The following TRAT1 variants were observed in gnomAD, a reference collection of about 807,000 sequenced individuals.
TRAT1 encodes the protein T cell receptor associated transmembrane adaptor 1.
In TRAT1, 20 loss-of-function variants were observed where a neutral mutation model predicts 20.0. That is an observed-to-expected ratio of 1.00 (90% CI 0.70 to 1.45). TRAT1 has a LOEUF of 1.45. TRAT1 is among the 40% of genes most tolerant of loss of function. TRAT1 has a pLI of 0.00. For synonymous variants in TRAT1, 77 were observed against 74.2 expected (o/e 1.04, Z -0.20); for missense variants, 237 against 224.1 (o/e 1.06, Z -0.37).
In TRAT1 at chr3:108,853,678, G is replaced by T; in HGVS notation, c.362G>T (p.Arg121Leu). ...CTTGATCACAGCGTTAAGGGGAAGC[G>T]TAGAAAGCCCAGGAAACAGAATACT... ...ASLDHSVKGK[R>L]RKPRKQNTHF... Residue 121 changes from arginine to leucine, a missense_variant, in exon 6 of 6, where the codon CGT (arginine) becomes CTT (leucine). Arg to Leu is a moderately radical substitution (Grantham distance 102). Transcript: ENST00000295756. The T allele has an allele frequency of 6.2e-7, 1 of 1,614,092 alleles. No individual in the cohort carries two copies. Among genetic ancestry groups the T allele is most frequent in the Non-Finnish European group, 8.5e-7 (1 of 1,179,964 alleles).
At position 108,847,058 on chromosome 3, in the gene TRAT1, C is replaced by G; in HGVS notation, c.153-10C>G. ...AATCTAATAAGGTAAATTATTTTTC[C>G]TTGTTATAGGGTTGATGAGTATTAT... On this transcript the variant is annotated splice_polypyrimidine_tract_variant and intron_variant, in intron 3 of 5. Transcript: ENST00000295756. 1 of 1,449,772 alleles carries G rather than the reference C, an allele frequency of 6.9e-7. No homozygotes were observed. The highest frequency in any genetic ancestry group is 9.6e-7 in the Non-Finnish European group (1 of 1,045,168). The allele number at this position is 1,449,772 out of a possible 1,614,324, so 89.8% of individuals were successfully genotyped here. A position where few individuals can be genotyped will look rare whatever the true frequency, so the allele number is the denominator to read the frequency against.
In TRAT1 at chr3:108,849,240, ACC is replaced by A; in HGVS notation, c.292_293del (p.Pro98IlefsTer7). The A allele has an allele frequency of 6.2e-7, 1 of 1,614,004 alleles. No individual in the cohort carries two copies. The highest frequency in any genetic ancestry group is 8.5e-7 in the Non-Finnish European group (1 of 1,179,908). ...EKSVNKMQEA[T>X]PSAQATNETQ... ...ATCTGTAAATAAGATGCAGGAAGCC[ACC>A]CCATCTGCACAGGTGAGTTTTGTTT... On this transcript the variant is annotated frameshift_variant, in exon 5 of 6. Coordinates refer to ENST00000295756, the MANE Select transcript of TRAT1 (RefSeq NM_016388.4). LOFTEE classifies it low-confidence loss of function (END_TRUNC).
At chr3:108,834,156 A>G (rs753800474) in intron 2 of TRAT1, among the ~76,000 whole-genome samples, 2 of 152,308 alleles carry the variant, frequency 1.3e-5, no homozygotes, top group African/African-American at 2.4e-5. Flanking sequence ...TGTATGTCAC[A>G]TTCAGGTCCA....
intron 4 of TRAT1, among the ~76,000 whole-genome samples, chr3:108,848,549 T>C (rs997392879): frequency 3.2e-4 from 48 of 152,298 alleles, no homozygotes; most frequent in Middle Eastern, 3.4e-3. Flanking sequence ...TGAGTACAGA[T>C]CTGCTGGCTG....
intron 1 of TRAT1, among the ~76,000 whole-genome samples, chr3:108,827,384 A>ATGTGTGTG (rs71103493): frequency 1.9e-3 from 282 of 145,208 alleles, no homozygotes; most frequent in African/African-American, 6.5e-3. Flanking sequence ...GTATGTGTGT[A>ATGTGTGTG]TGTGTGTGTG....
intron 2 of TRAT1, among the ~76,000 whole-genome samples, chr3:108,831,213 G>C (rs1945789193): frequency 1.3e-5 from 2 of 152,188 alleles, no homozygotes; most frequent in Non-Finnish European, 1.5e-5. Context: ...CAACACAAAA[G>C]AGCGGGGTCA....
At position 108,853,646 on chromosome 3, in the gene TRAT1, C is replaced by T. The variant is rs565838055; in HGVS notation, c.330C>T (p.Tyr110=). 67 of 1,614,016 alleles carry T rather than the reference C, an allele frequency of 4.2e-5. No individual in the cohort carries two copies. Among genetic ancestry groups the T allele is most frequent in the South Asian group, 2.0e-4 (18 of 91,068 alleles). Residue 110 remains tyrosine, a synonymous_variant, in exon 6 of 6, where the codon TAC becomes TAT. Transcript: ENST00000295756. ...AQATNETQMC[Y]ASLDHSVKGK... ...CAACCAATGAAACACAGATGTGCTA[C>T]GCCTCACTTGATCACAGCGTTAAGG...
At chr3:108,835,363 C>T (rs1945829573) in intron 2 of TRAT1, among the ~76,000 whole-genome samples, 1 of 152,246 alleles carries the variant, frequency 6.6e-6, no homozygotes, top group South Asian at 2.1e-4. Flanking sequence ...GCAAAGCATA[C>T]ACTTTTTTTA....
At chr3:108,850,436 C>A (rs2107516288) in intron 5 of TRAT1, among the ~76,000 whole-genome samples, 1 of 152,170 alleles carries the variant, frequency 6.6e-6, no homozygotes, top group East Asian at 1.9e-4. Flanking sequence ...TCCCAAGTAG[C>A]TGGGATTACA....
At position 108,853,848 on chromosome 3, in the gene TRAT1, AT is replaced by A; in HGVS notation, c.533del (p.Ile178ThrfsTer8). 1.2e-6 allele frequency: 2 copies of A among 1,614,108 alleles called. No homozygotes were observed. The highest frequency in any genetic ancestry group is 1.7e-6 in the Non-Finnish European group (2 of 1,179,952). On this transcript the variant is annotated frameshift_variant, in exon 6 of 6. Transcript: ENST00000295756. LOFTEE classifies it high-confidence loss of function. ...TGATCCCATCAGACTGTTTGGATTG[AT>A]CCGTGCTAAGAGAGAACCTATAAAC... ...HDDPIRLFGL[I>X]RAKREPIN
At chr3:108,831,540 T>C (rs1325248648) in intron 2 of TRAT1, among the ~76,000 whole-genome samples, 2 of 113,962 alleles carry the variant, frequency 1.8e-5, no homozygotes, top group African/African-American at 8.0e-5. Context: ...GAAGGTATCT[T>C]TTTTTTTTTT....
chr3:108,849,084 ATGT>A (rs1945972568), intron 4 of TRAT1, 79 bp from the exon 5 acceptor site: 1 of 1,205,316 alleles, frequency 8.3e-7, no homozygotes. Flanking sequence ...TTGCAGCCAA[ATGT>A]TGTTTGGATC....
chr3:108,843,512 G>C (rs1362272002), intron 3 of TRAT1, among the ~76,000 whole-genome samples: 1 of 152,070 alleles, frequency 6.6e-6, no homozygotes, highest in Non-Finnish European at 1.5e-5. Context: ...CATGGTGACA[G>C]AGCAAGACTC....
At chr3:108,834,656 A>T (rs887645912) in intron 2 of TRAT1, among the ~76,000 whole-genome samples, 2 of 152,156 alleles carry the variant, frequency 1.3e-5, no homozygotes, top group Admixed American at 1.3e-4. Flanking sequence ...ATAACTTTTT[A>T]TGTTTGCATC....
chr3:108,847,839 G>A (rs1945961458), intron 4 of TRAT1, among the ~76,000 whole-genome samples: 1 of 152,070 alleles, frequency 6.6e-6, no homozygotes, highest in African/African-American at 2.4e-5. Flanking sequence ...AAATGCTGTT[G>A]AACTCCAAGT....
At chr3:108,850,544 T>A (rs979914143) in intron 5 of TRAT1, among the ~76,000 whole-genome samples, 1 of 152,152 alleles carries the variant, frequency 6.6e-6, no homozygotes, top group African/African-American at 2.4e-5. Flanking sequence ...ACCGCAGTGA[T>A]CCACCCACCT....
intron 1 of TRAT1, among the ~76,000 whole-genome samples, chr3:108,824,086 G>C (rs1271283913): frequency 6.6e-6 from 1 of 152,120 alleles, no homozygotes; most frequent in Non-Finnish European, 1.5e-5. Context: ...TGGCCAGGAT[G>C]GTCTCGATCT....
chr3:108,843,413 C>G (rs1945913042), intron 3 of TRAT1, among the ~76,000 whole-genome samples: 1 of 152,034 alleles, frequency 6.6e-6, no homozygotes, highest in South Asian at 2.1e-4. Context: ...GCCTGTAGTC[C>G]CAGCTACTTG....
chr3:108,825,758 C>A (rs922101047), intron 1 of TRAT1, among the ~76,000 whole-genome samples: 1 of 152,116 alleles, frequency 6.6e-6, no homozygotes, highest in Non-Finnish European at 1.5e-5. Context: ...ATCTTCTCAG[C>A]ATTCCTGAAT....
Sources: gnomAD v4.1 joint callset for allele counts (sites outside exome capture counted in the v4.1 genomes callset) on GRCh38, gnomAD v4.1.1 for gene constraint, MANE v1.5 for transcripts, NCBI Gene and HGNC (gene_info 2026-07-23, HGNC 2026-07-21) for gene names.